RIC8B: variants seen among roughly 807,000 people sequenced by gnomAD.
The protein encoded by RIC8B is chaperone Ric-8B.
A neutral mutation model predicts 57.5 loss-of-function variants in RIC8B; 16 were observed. That is an observed-to-expected ratio of 0.28 (90% confidence interval 0.19 to 0.42). The LOEUF (loss-of-function observed/expected upper bound fraction) is 0.42. Among genes scored for constraint, RIC8B ranks in the 10% least tolerant of loss-of-function variants. The pLI is 1.00. For synonymous variants in RIC8B, 216 were observed against 250.8 expected, an observed-to-expected ratio of 0.86 and a Z score of 1.31; for missense variants, 481 against 677.0, an observed-to-expected ratio of 0.71 and a Z score of 3.21.
chr12:106,844,295 G>A (rs1421379423), intron 6 of RIC8B, among the ~76,000 whole-genome samples: 2 of 152,180 alleles, frequency 1.3e-5, no homozygotes, highest in Non-Finnish European at 2.9e-5. Context: ...TTAAGAGAGA[G>A]GAGACACTTT....
chr12:106,850,024 G>C (rs781601762), intron 6 of RIC8B, among the ~76,000 whole-genome samples: 1 of 152,254 alleles, frequency 6.6e-6, no homozygotes, highest in African/African-American at 2.4e-5. Flanking sequence ...CAGCAGGCGA[G>C]CATTACTGCC....
intron 9 of RIC8B, among the ~76,000 whole-genome samples, chr12:106,880,752 G>C (rs1258629796): frequency 2.6e-5 from 4 of 152,028 alleles, no homozygotes; most frequent in African/African-American, 4.8e-5. Context: ...AGCACCTGCT[G>C]TGTGCTGTGT....
chr12:106,823,757 T>C (rs1480218211), intron 3 of RIC8B, among the ~76,000 whole-genome samples: 3 of 151,962 alleles, frequency 2.0e-5, no homozygotes, highest in African/African-American at 7.2e-5. Flanking sequence ...TGATCTCGGC[T>C]CACTGCAACC....
chr12:106,883,058 A>G (rs984590686), intron 9 of RIC8B, among the ~76,000 whole-genome samples: 1 of 152,168 alleles, frequency 6.6e-6, no homozygotes, highest in Non-Finnish European at 1.5e-5. Flanking sequence ...ACTTCACACA[A>G]GTTAGTAGCT....
chr12:106,845,398 T>A (rs1340123976), intron 6 of RIC8B, among the ~76,000 whole-genome samples: 3 of 152,202 alleles, frequency 2.0e-5, no homozygotes, highest in African/African-American at 7.2e-5. Flanking sequence ...TCCTGTTTCA[T>A]CATGAAATTA....
chr12:106,807,659 T>C (rs2045104517), intron 2 of RIC8B, among the ~76,000 whole-genome samples: 1 of 152,228 alleles, frequency 6.6e-6, no homozygotes, highest in Non-Finnish European at 1.5e-5. Context: ...CCACAGTTGT[T>C]ACTGCATGAG....
intron 3 of RIC8B, among the ~76,000 whole-genome samples, chr12:106,819,714 C>G (rs1048166079): frequency 3.4e-5 from 5 of 148,258 alleles, no homozygotes; most frequent in African/African-American, 9.9e-5. Flanking sequence ...ACCGCATTCC[C>G]GCCTGGGTAA....
At chr12:106,822,105 G>GAAA in intron 3 of RIC8B, among the ~76,000 whole-genome samples, 1 of 117,836 alleles carries the variant, frequency 8.5e-6, no homozygotes, top group Non-Finnish European at 1.8e-5. Flanking sequence ...AAAAAAAGAA[G>GAAA]AAAAAAAAAG....
intron 9 of RIC8B, chr12:106,872,899 G>A (rs1225475286): frequency 1.2e-5 from 5 of 419,070 alleles, no homozygotes; most frequent in Non-Finnish European, 1.6e-5. Flanking sequence ...GAAGACAGGG[G>A]AAATAACTGC....
chr12:106,816,474 A>G (rs758978813), intron 3 of RIC8B, among the ~76,000 whole-genome samples: 2 of 152,248 alleles, frequency 1.3e-5, no homozygotes, highest in African/African-American at 4.8e-5. Flanking sequence ...GAAAGCCCAC[A>G]TGCTCCATTT....
rs148101010 is a variant in RIC8B, at chr12:106,837,230, C to T, written c.837-5359C>T. On this transcript the variant is annotated intron_variant, in intron 4 of 9. Transcript: ENST00000392837. ...TACAAAAATTAGCCAGGCATGGTGG[C>T]ACACATCTGTAATTCCAGCTACTCA... 2.9e-3 allele frequency among the ~76,000 whole-genome samples: 442 copies of T among 152,246 alleles called. 1 individual carries two copies. The highest frequency in any genetic ancestry group is 0.01 in the African/African-American group (423 of 41,526).
rs563915726 is a variant in RIC8B at position 106,819,952 on chromosome 12, C to G, written c.741+4648C>G. On this transcript the variant is annotated intron_variant, in intron 3 of 9. Coordinates refer to ENST00000392837, the MANE Select transcript of RIC8B (RefSeq NM_001330145.2). ...TAATGATTTTTCTTACAAAGTCTTTCTAGGTACATTCCTGAAATTGGTGGG... is the reference window on the plus strand; with the variant it reads ...TAATGATTTTTCTTACAAAGTCTTTGTAGGTACATTCCTGAAATTGGTGGG... Among the ~76,000 whole-genome samples, 102 of 152,138 alleles carry G rather than the reference C, an allele frequency of 6.7e-4. 3 individuals are homozygous for G. In the South Asian group the frequency reaches 0.02, roughly 30 times the overall value.
intron 7 of RIC8B, among the ~76,000 whole-genome samples, chr12:106,858,545 A>C (rs1949800557): frequency 1.3e-5 from 2 of 152,118 alleles, no homozygotes; most frequent in Non-Finnish European, 2.9e-5. Context: ...CTAAAGCACT[A>C]CATCTTGGGG....
intron 3 of RIC8B, among the ~76,000 whole-genome samples, chr12:106,818,917 C>A (rs920940288): frequency 1.3e-5 from 2 of 152,012 alleles, no homozygotes; most frequent in African/African-American, 4.8e-5. Flanking sequence ...CAGGCATGTG[C>A]CACCACCCAT....
intron 3 of RIC8B, among the ~76,000 whole-genome samples, chr12:106,819,633 G>A (rs2045748120): frequency 6.6e-6 from 1 of 151,214 alleles, no homozygotes; most frequent in Non-Finnish European, 1.5e-5. Context: ...TGTGGCATGT[G>A]CCTGTAGTCC....
intron 3 of RIC8B, among the ~76,000 whole-genome samples, chr12:106,816,221 T>G (rs1316804228): frequency 6.6e-6 from 1 of 152,200 alleles, no homozygotes; most frequent in Admixed American, 6.5e-5. Context: ...ACAATTGACT[T>G]TAAGATTTAG....
intron 7 of RIC8B, among the ~76,000 whole-genome samples, chr12:106,856,331 T>C (rs1211083291): frequency 6.6e-6 from 1 of 152,334 alleles, no homozygotes; most frequent in East Asian, 1.9e-4. Context: ...CTCTGTTGCC[T>C]GCATGGTAAA....
At chr12:106,818,992 C>A (rs2136302073) in intron 3 of RIC8B, among the ~76,000 whole-genome samples, 1 of 152,220 alleles carries the variant, frequency 6.6e-6, no homozygotes, top group Non-Finnish European at 1.5e-5. Context: ...TCTCGAACTC[C>A]CGACCTCAGT....
intron 8 of RIC8B, among the ~76,000 whole-genome samples, chr12:106,870,459 C>T (rs1392655393): frequency 6.6e-6 from 1 of 151,970 alleles, no homozygotes; most frequent in Non-Finnish European, 1.5e-5. Flanking sequence ...TGGATTTCCT[C>T]ATTTCTTCTT....
Sources: allele counts gnomAD v4.1 joint callset (sites outside exome capture counted in the v4.1 genomes callset), GRCh38; gene constraint gnomAD v4.1.1; transcripts MANE v1.5; gene names NCBI Gene and HGNC (gene_info 2026-07-23, HGNC 2026-07-21).